Variants in LHPP observed in about 807,000 individuals in gnomAD.
LHPP encodes phospholysine phosphohistidine inorganic pyrophosphate phosphatase, also known as hLHPP.
LHPP carries 24 observed loss-of-function variants against 30.3 expected under a neutral mutation model. That is an observed-to-expected ratio of 0.79 (90% CI 0.57 to 1.11). The LOEUF is 1.11. Ranked by LOEUF, LHPP falls within the 50% of genes most tolerant of loss-of-function variation. The pLI is 0.00. For missense variants in LHPP, 356 were observed against 367.2 expected (o/e 0.97, Z 0.25); for synonymous variants, 150 against 157.1 (o/e 0.95, Z 0.34).
intron 6 of LHPP, among the ~76,000 whole-genome samples, chr10:124,535,457 A>C (rs1282590942): frequency 6.6e-6 from 1 of 152,202 alleles, no homozygotes. Context: ...GCTGGAGTGC[A>C]GTGGTGCAAT....
intron 1 of LHPP, among the ~76,000 whole-genome samples, chr10:124,475,275 C>A (rs539399468): frequency 1.9e-4 from 29 of 151,214 alleles, no homozygotes; most frequent in African/African-American, 6.8e-4. Flanking sequence ...CCTCAAGTGA[C>A]CCACCCGCCT....
rs539225369 is a variant in LHPP, at chr10:124,496,848, C to T, written c.468-113C>T. 4.8e-5 allele frequency: 44 copies of T among 913,048 alleles called. No individual in the cohort carries two copies. In the East Asian group the frequency reaches 7.4e-4, roughly 15 times the overall value. 56.6% of individuals were successfully genotyped at this position (913,048 alleles called of 1,614,324 possible). ...TAGCGCCTGGACTGCCCCTCAGCCG[C>T]GGCTTGGCTCTGCAGCCAGCGGGAC... On this transcript the variant is annotated intron_variant, in intron 3 of 6. Coordinates refer to ENST00000368842, the MANE Select transcript of LHPP (RefSeq NM_022126.4). The surrounding 1 kb of genome is among the most constrained non-coding windows in gnomAD (Gnocchi z 4.3).
At position 124,496,892 on chromosome 10, in the gene LHPP, C is replaced by T. The variant is rs9423001; in HGVS notation, c.468-69C>T. The T allele has an allele frequency of 9.5e-4, 1,372 of 1,444,646 alleles. 6 individuals carry two copies. The African/African-American group carries it at 0.015, about 16-fold the overall frequency. The allele number at this position is 1,444,646 out of a possible 1,614,324, so 89.5% of individuals were successfully genotyped here. On this transcript the variant is annotated intron_variant, in intron 3 of 6. Coordinates refer to ENST00000368842, the MANE Select transcript of LHPP (RefSeq NM_022126.4). The surrounding 1 kb of genome is among the most constrained non-coding windows in gnomAD (Gnocchi z 4.3). ...GCGGGACAGGCCCGGTGCTCAGCTC[C>T]CGATACTTAGCATCCTGCGGTCAGC...
chr10:124,511,456 C>T (rs1022191720), intron 5 of LHPP, among the ~76,000 whole-genome samples: 1 of 152,214 alleles, frequency 6.6e-6, no homozygotes, highest in African/African-American at 2.4e-5. Context: ...GAGAGCACCA[C>T]ACCAGGAAGA....
intron 6 of LHPP, among the ~76,000 whole-genome samples, chr10:124,604,986 G>GCACC (rs1949073423): frequency 6.6e-6 from 1 of 152,240 alleles, no homozygotes; most frequent in African/African-American, 2.4e-5. Flanking sequence ...GGGAGAGGCC[G>GCACC]CACCCGTCTC....
intron 6 of LHPP, among the ~76,000 whole-genome samples, chr10:124,555,267 A>G (rs1447417896): frequency 6.6e-6 from 1 of 152,166 alleles, no homozygotes; most frequent in Non-Finnish European, 1.5e-5. Context: ...TCCTGGCTGG[A>G]CCACAGCCAC....
At chr10:124,537,407 T>C (rs1955054142) in intron 6 of LHPP, among the ~76,000 whole-genome samples, 1 of 152,194 alleles carries the variant, frequency 6.6e-6, no homozygotes, top group African/African-American at 2.4e-5. Flanking sequence ...GGATCAGAGA[T>C]AGCGGGCAGC....
intron 1 of LHPP, among the ~76,000 whole-genome samples, chr10:124,477,852 G>A (rs568998720): frequency 3.3e-5 from 5 of 152,256 alleles, no homozygotes; most frequent in Non-Finnish European, 5.9e-5. Flanking sequence ...CACTGCCCCC[G>A]AGGATTCCCT....
chr10:124,542,787 C>T (rs976991739), intron 6 of LHPP, among the ~76,000 whole-genome samples: 1 of 152,230 alleles, frequency 6.6e-6, no homozygotes, highest in Admixed American at 6.5e-5. Flanking sequence ...CTACTCTCCC[C>T]TCTGCCCTCT....
At chr10:124,498,357 AAT>A in intron 5 of LHPP, 1 of 1,566,212 alleles carries the variant, frequency 6.4e-7, no homozygotes, top group Non-Finnish European at 8.7e-7. Flanking sequence ...AAGAAGCAGA[AAT>A]GCCTGCGGCT....
At position 124,484,190 on chromosome 10, in the gene LHPP, G is replaced by T; in HGVS notation, c.177G>T (p.Lys59Asn). ...KVRFCTNESQ[K>N]SRAELVGQLQ... is the part of the protein sequence containing the mutation. ...GGTTCTGCACCAACGAGTCGCAGAA[G>T]TCCCGGGCAGAGCTGGTGGGGCAGC... is the stretch of plus-strand genomic sequence containing the variant. The change falls in exon 2 of 7, where the codon AAG becomes AAT. Residue 59 changes from lysine to asparagine, a missense_variant. Coordinates refer to ENST00000368842, the MANE Select transcript of LHPP (RefSeq NM_022126.4). The T allele has an allele frequency of 6.2e-7, 1 of 1,614,122 alleles. No homozygotes were observed. Among genetic ancestry groups the T allele is most frequent in the South Asian group, 1.1e-5 (1 of 91,076 alleles).
intron 1 of LHPP, among the ~76,000 whole-genome samples, chr10:124,470,326 G>A (rs185257520): frequency 3.9e-5 from 6 of 152,276 alleles, no homozygotes; most frequent in African/African-American, 1.2e-4. Context: ...TGGAGCCGGC[G>A]GAAGGAAGAA....
rs187527506 is a variant in LHPP, at chr10:124,488,519, C to A, written c.411C>A (p.Asn137Lys). The change falls in exon 3 of 7, where the codon AAC becomes AAA. Residue 137 changes from asparagine (N) to lysine (K), a missense_variant. Coordinates refer to ENST00000368842, the MANE Select transcript of LHPP (RefSeq NM_022126.4). The part of the protein sequence containing the change: ...GESFSYQNMN[N>K]AFQVLMELEK... ...GCTTTTCTTATCAAAACATGAATAA[C>A]GCCTTCCAGGTGCTCATGGAGCTGG... is the stretch of plus-strand genomic sequence containing the variant. The A allele has an allele frequency of 6.2e-7, 1 of 1,613,830 alleles. No individual in the cohort carries two copies. Among genetic ancestry groups the A allele is most frequent in the African/African-American group, 1.3e-5 (1 of 74,860 alleles).
At chr10:124,578,932 G>A (rs1345987049) in intron 6 of LHPP, among the ~76,000 whole-genome samples, 1 of 150,282 alleles carries the variant, frequency 6.7e-6, no homozygotes, top group Non-Finnish European at 1.5e-5. Flanking sequence ...TGGAGGGCCA[G>A]AAGGGATTCC....
At chr10:124,484,071 C>T (rs1038508620) in intron 1 of LHPP, 68 bp from the exon 2 acceptor site, 42 of 1,488,690 alleles carry the variant, frequency 2.8e-5, no homozygotes, top group East Asian at 4.8e-5. Flanking sequence ...AGAATCACCG[C>T]GCAACCTCCT....
At chr10:124,612,319 C>T (rs762718586) in intron 6 of LHPP, among the ~76,000 whole-genome samples, 10 of 152,234 alleles carry the variant, frequency 6.6e-5, no homozygotes, top group African/African-American at 9.6e-5. Context: ...GCAGGAGAAT[C>T]GCTTGAAACT....
chr10:124,524,996 C>T (rs764999651), intron 6 of LHPP, among the ~76,000 whole-genome samples: 1 of 152,244 alleles, frequency 6.6e-6, no homozygotes, highest in African/African-American at 2.4e-5. Flanking sequence ...CCCCAGAAGA[C>T]CTAGTCCCTG....
At chr10:124,601,147 A>T (rs1949015165) in intron 6 of LHPP, among the ~76,000 whole-genome samples, 1 of 152,150 alleles carries the variant, frequency 6.6e-6, no homozygotes, top group Admixed American at 6.5e-5. Context: ...AGACACCCCC[A>T]GGGGTAGGGG....
intron 6 of LHPP, among the ~76,000 whole-genome samples, chr10:124,606,132 A>G (rs1949089374): frequency 6.6e-6 from 1 of 152,134 alleles, no homozygotes; most frequent in Non-Finnish European, 1.5e-5. Flanking sequence ...TGCCCCCAGG[A>G]GAGGAGAGGA....
Sources: gnomAD v4.1 joint callset for allele counts (sites outside exome capture counted in the v4.1 genomes callset) on GRCh38, gnomAD v4.1.1 for gene constraint, Gnocchi (gnomAD v3.1) non-coding constraint, MANE v1.5 for transcripts, NCBI Gene and HGNC (gene_info 2026-07-23, HGNC 2026-07-21) for gene names.